SPG7: variants seen among roughly 807,000 people sequenced by gnomAD.
SPG7 encodes the protein mitochondrial inner membrane m-AAA protease component paraplegin.
A neutral mutation model predicts 81.9 loss-of-function variants in SPG7; 103 were observed. The ratio of observed to expected loss-of-function variants is 1.26; its 90% CI spans 1.07 to 1.48. The LOEUF is 1.48. Among genes scored for constraint, SPG7 ranks in the 40% most tolerant of loss-of-function variants. SPG7 has a pLI of 0.00. For synonymous variants in SPG7, 534 were observed against 444.2 expected (o/e 1.20, Z -2.54); for missense variants, 1,241 against 1,087.3 (o/e 1.14, Z -1.99).
At chr16:89,532,160 CGGGT>C in intron 8 of SPG7, 94 bp downstream of exon 8, 1 of 989,174 alleles carries the variant, frequency 1.0e-6, no homozygotes, top group Non-Finnish European at 1.5e-6. Flanking sequence ...GAAAGGGACA[CGGGT>C]GGGTGGGGGA....
intron 2 of SPG7, among the ~76,000 whole-genome samples, chr16:89,511,622 G>C (rs998044716): frequency 6.6e-6 from 1 of 152,226 alleles, no homozygotes; most frequent in Non-Finnish European, 1.5e-5. Flanking sequence ...CCTTAAGCCT[G>C]AGGTGACATG....
chr16:89,546,413 C>T (rs2058563764), intron 10 of SPG7: 4 of 469,386 alleles, frequency 8.5e-6, no homozygotes, highest in Non-Finnish European at 1.2e-5. Flanking sequence ...CATGGTGGCT[C>T]ACGCCTGTAA....
intron 2 of SPG7, 140 bp downstream of exon 2, chr16:89,510,732 A>T: frequency 1.5e-6 from 1 of 689,312 alleles, no homozygotes; most frequent in East Asian, 2.7e-5. Flanking sequence ...TGGTGTGATC[A>T]GAGCTCACTA....
intron 9 of SPG7, chr16:89,541,066 C>A (rs763614096): frequency 2.0e-6 from 2 of 984,562 alleles, no homozygotes; most frequent in Non-Finnish European, 2.4e-6. Context: ...AATAGAAGAG[C>A]TGAAACTGGT....
intron 2 of SPG7, among the ~76,000 whole-genome samples, chr16:89,512,322 G>A (rs2152394513): frequency 6.6e-6 from 1 of 150,974 alleles, no homozygotes; most frequent in Middle Eastern, 3.5e-3. Flanking sequence ...CACTTGTCTG[G>A]AAACCATTTG....
intron 9 of SPG7, chr16:89,541,283 C>T (rs1319265363): frequency 6.1e-6 from 6 of 985,332 alleles, no homozygotes; most frequent in Admixed American, 6.1e-5. Context: ...GTATCCTTAT[C>T]ATGGTGTTCT....
chr16:89,548,310 A>G (rs1382422634), intron 12 of SPG7, 197 bp downstream of exon 12: 5 of 573,534 alleles, frequency 8.7e-6, no homozygotes, highest in Non-Finnish European at 1.6e-5. Context: ...AGATTTACCT[A>G]AGAGTAGACG....
At chr16:89,530,371 C>G (rs894274584) in intron 6 of SPG7, 5 of 413,326 alleles carry the variant, frequency 1.2e-5, no homozygotes, top group African/African-American at 2.0e-5. Flanking sequence ...GTCTCGATCT[C>G]TTGACCTCGT....
rs745714363 is a variant in SPG7, at chr16:89,531,897, C to G, written c.988-7C>G. ...TAGTTAGTGTTGCATTGTCTGCTGC[C>G]GTCCAGAGCCCAGAACGCTTCCTCC... On this transcript the variant is annotated splice_region_variant and splice_polypyrimidine_tract_variant and intron_variant, in intron 7 of 16. Transcript: ENST00000645818. 3 of 1,613,970 alleles carry G rather than the reference C, an allele frequency of 1.9e-6. No individual in the cohort carries two copies. The highest frequency in any genetic ancestry group is 4.5e-5 in the East Asian group (2 of 44,868).
At chr16:89,532,178 G>C (rs753142109) in intron 8 of SPG7, 112 bp downstream of exon 8, 3 of 1,214,348 alleles carry the variant, frequency 2.5e-6, no homozygotes, top group Non-Finnish European at 3.5e-6. Flanking sequence ...TGGGGGAGTA[G>C]AGAAGGAAAG....
intron 3 of SPG7, among the ~76,000 whole-genome samples, chr16:89,513,773 G>A (rs1055728113): frequency 6.6e-6 from 1 of 152,110 alleles, no homozygotes; most frequent in African/African-American, 2.4e-5. Context: ...TAAGATGGAC[G>A]CCCTGCTCAG....
intron 9 of SPG7, chr16:89,540,759 C>A: frequency 2.9e-6 from 1 of 348,356 alleles, no homozygotes; most frequent in Non-Finnish European, 4.0e-6. Context: ...GACCCCGTGT[C>A]CACATGCGCT....
chr16:89,552,043 T>C (rs1380070135), intron 13 of SPG7: 1 of 152,238 alleles, frequency 6.6e-6, no homozygotes, highest in Non-Finnish European at 1.5e-5. Context: ...CAATCATCAC[T>C]GCAGCCGTTA....
At chr16:89,541,058 TAGA>T (rs1202870424) in intron 9 of SPG7, 1 of 983,918 alleles carries the variant, frequency 1.0e-6, no homozygotes, top group Non-Finnish European at 1.2e-6. Flanking sequence ...TACGCAGAAA[TAGA>T]AGAGCTGAAA....
At chr16:89,554,029 C>A in intron 15 of SPG7, 69 bp downstream of exon 15, 3 of 1,561,776 alleles carry the variant, frequency 1.9e-6, no homozygotes, top group Non-Finnish European at 2.6e-6. Flanking sequence ...GTCTACCACA[C>A]AAGGGTCGCC....
intron 1 of SPG7, 195 bp downstream of exon 1, chr16:89,508,795 G>T (rs776148212): frequency 2.2e-4 from 158 of 723,284 alleles, no homozygotes; most frequent in Non-Finnish European, 3.7e-5. Flanking sequence ...TGGGCGGGCC[G>T]GGAAGAGGCA....
chr16:89,509,963 A>AT (rs971080451), intron 1 of SPG7, among the ~76,000 whole-genome samples: 2 of 141,774 alleles, frequency 1.4e-5, no homozygotes, highest in African/African-American at 2.6e-5. Flanking sequence ...CACTATCGTG[A>AT]TTTTTTGTTT....
chr16:89,514,306 G>C (rs1597606473), intron 3 of SPG7: 1 of 84,808 alleles, frequency 1.2e-5, no homozygotes, highest in South Asian at 4.0e-4. Context: ...TGTGTCCTTT[G>C]ACTTTTTTTT....
At chr16:89,550,165 C>G (rs555940216) in intron 12 of SPG7, 2 of 359,390 alleles carry the variant, frequency 5.6e-6, no homozygotes, top group South Asian at 2.2e-5. Flanking sequence ...GCTCACCCCC[C>G]CGTCATTCTT....
Sources: gnomAD v4.1 joint callset for allele counts (sites outside exome capture counted in the v4.1 genomes callset) on GRCh38, gnomAD v4.1.1 for gene constraint, MANE v1.5 for transcripts, NCBI Gene and HGNC (gene_info 2026-07-23, HGNC 2026-07-21) for gene names.